CNTNAP2: variants seen among roughly 807,000 people sequenced by gnomAD.
CNTNAP2 encodes the protein contactin-associated protein-like 2.
CNTNAP2 carries 98 observed loss-of-function variants against 155.2 expected under a neutral mutation model. The observed-to-expected ratio is 0.63, with a 90% confidence interval of 0.54 to 0.75. CNTNAP2 has a LOEUF of 0.75. Ranked by LOEUF, CNTNAP2 falls within the 30% of genes least tolerant of loss-of-function variation. CNTNAP2 has a pLI of 0.00. For missense variants in CNTNAP2, 1,727 were observed against 1,688.1 expected (o/e 1.02, Z -0.40); for synonymous variants, 651 against 631.2 (o/e 1.03, Z -0.47).
At chr7:147,982,305 T>TC (rs1801545026) in intron 15 of CNTNAP2, among the ~76,000 whole-genome samples, 3 of 13,488 alleles carry the variant, frequency 2.2e-4, no homozygotes, top group Middle Eastern at 0.077. Flanking sequence ...TAGGAAAGGT[T>TC]TAAAAAAAAA....
chr7:147,008,544 AAAAC>A (rs1798565403), intron 3 of CNTNAP2, among the ~76,000 whole-genome samples: 1 of 152,028 alleles, frequency 6.6e-6, no homozygotes, highest in African/African-American at 2.4e-5. Context: ...TTAACAAAAG[AAAAC>A]AAACAAAATA....
intron 1 of CNTNAP2, among the ~76,000 whole-genome samples, chr7:146,671,728 A>G (rs972054491): frequency 2.6e-5 from 4 of 152,172 alleles, no homozygotes; most frequent in African/African-American, 9.7e-5. Context: ...ATTTAGCCTT[A>G]TATTTCTCCT....
chr7:147,737,130 T>A lies in CNTNAP2; in HGVS notation c.2098+97824T>A, dbSNP rs564058268. Reference sequence around the variant, plus strand: ...CATAGAATTTTCAGTTTTTCTGCTCTGTTTTTTCCCCATCTTTGTGGTTTT... The same window carrying A: ...CATAGAATTTTCAGTTTTTCTGCTCAGTTTTTTCCCCATCTTTGTGGTTTT... On this transcript the variant is annotated intron_variant, in intron 13 of 23. Coordinates refer to ENST00000361727, the MANE Select transcript of CNTNAP2 (RefSeq NM_014141.6). 6.6e-5 allele frequency among the ~76,000 whole-genome samples: 10 copies of A among 152,350 alleles called. No individual in the cohort carries two copies. In the South Asian group the frequency reaches 2.1e-3, roughly 32 times the overall value.
intron 15 of CNTNAP2, among the ~76,000 whole-genome samples, chr7:148,104,848 G>C (rs1435298056): frequency 6.6e-6 from 1 of 152,114 alleles, no homozygotes; most frequent in African/African-American, 2.4e-5. Flanking sequence ...ACCTAGAAAA[G>C]CTTCTGTCCA....
chr7:147,885,115 G>C (rs1476351972), intron 13 of CNTNAP2, among the ~76,000 whole-genome samples: 1 of 152,194 alleles, frequency 6.6e-6, no homozygotes, highest in Non-Finnish European at 1.5e-5. Context: ...GGTAAAAACC[G>C]CAGTTACTTT....
intron 18 of CNTNAP2, among the ~76,000 whole-genome samples, chr7:148,194,450 C>G (rs1252161643): frequency 2.0e-5 from 3 of 152,094 alleles, no homozygotes; most frequent in Non-Finnish European, 4.4e-5. Context: ...GGTCCTTAAG[C>G]TCAGAAGCGA....
At chr7:148,364,877 C>T (rs546801614) in intron 21 of CNTNAP2, among the ~76,000 whole-genome samples, 11 of 152,320 alleles carry the variant, frequency 7.2e-5, no homozygotes, top group South Asian at 4.1e-4. Context: ...TGCTACTGCT[C>T]GCCCTTTGGG....
intron 8 of CNTNAP2, among the ~76,000 whole-genome samples, chr7:147,199,613 A>G (rs1802881093): frequency 6.6e-6 from 1 of 150,726 alleles, no homozygotes; most frequent in Non-Finnish European, 1.5e-5. Flanking sequence ...TTTTTTCAAG[A>G]TCAAGTCTTT....
At chr7:147,264,930 T>C (rs931352382) in intron 8 of CNTNAP2, among the ~76,000 whole-genome samples, 2 of 152,086 alleles carry the variant, frequency 1.3e-5, no homozygotes, top group Admixed American at 6.5e-5. Flanking sequence ...TTTCAAATCC[T>C]ACATGAGGAG....
At chr7:146,971,532 A>G (rs991245382) in intron 3 of CNTNAP2, among the ~76,000 whole-genome samples, 18 of 152,222 alleles carry the variant, frequency 1.2e-4, no homozygotes, top group African/African-American at 3.6e-4. Flanking sequence ...AACAATAACA[A>G]AAATGAATGT....
At chr7:147,222,822 T>G (rs927271108) in intron 8 of CNTNAP2, among the ~76,000 whole-genome samples, 2 of 149,738 alleles carry the variant, frequency 1.3e-5, no homozygotes, top group South Asian at 2.1e-4. Context: ...TTTTTTTTTT[T>G]TTTTTTTTTT....
In CNTNAP2 at chr7:146,185,377, A is replaced by G. The variant is rs146974307; in HGVS notation, c.97+68404A>G. On this transcript the variant is annotated intron_variant, in intron 1 of 23. Coordinates refer to ENST00000361727, the MANE Select transcript of CNTNAP2 (RefSeq NM_014141.6). ...TTTTCCATGGCTCTTTCATCCTACCATGGCAAAGTTGAGTAACTTCGATAG... is the reference window on the plus strand; with the variant it reads ...TTTTCCATGGCTCTTTCATCCTACCGTGGCAAAGTTGAGTAACTTCGATAG... Among the ~76,000 whole-genome samples the G allele has an allele frequency of 4.0e-3, 608 of 152,306 alleles. 5 individuals carry two copies. The highest frequency in any genetic ancestry group is 6.3e-3 in the Non-Finnish European group (426 of 68,022).
intron 14 of CNTNAP2, among the ~76,000 whole-genome samples, chr7:147,971,104 C>T (rs1388483987): frequency 1.3e-5 from 2 of 152,118 alleles, no homozygotes; most frequent in Non-Finnish European, 2.9e-5. Context: ...AAAACAGAGT[C>T]AGTAAAGATT....
intron 9 of CNTNAP2, among the ~76,000 whole-genome samples, chr7:147,342,940 G>T (rs1795789224): frequency 6.6e-6 from 1 of 152,008 alleles, no homozygotes; most frequent in African/African-American, 2.4e-5. Flanking sequence ...TAAAAGTGAT[G>T]TATATATCAC....
intron 1 of CNTNAP2, among the ~76,000 whole-genome samples, chr7:146,675,224 T>A (rs1800378329): frequency 6.6e-6 from 1 of 152,184 alleles, no homozygotes; most frequent in African/African-American, 2.4e-5. Context: ...AGGAGATTAT[T>A]TTCATTCCAA....
At chr7:147,857,278 C>T (rs1171043170) in intron 13 of CNTNAP2, among the ~76,000 whole-genome samples, 1 of 152,128 alleles carries the variant, frequency 6.6e-6, no homozygotes, top group East Asian at 1.9e-4. Flanking sequence ...ACATTTGTCT[C>T]CGTGCAAGAT....
intron 9 of CNTNAP2, among the ~76,000 whole-genome samples, chr7:147,381,042 G>T (rs1043753483): frequency 2.0e-5 from 3 of 151,806 alleles, no homozygotes; most frequent in Non-Finnish European, 4.4e-5. Flanking sequence ...ATTTTTAAAC[G>T]TGAGAAACTT....
In CNTNAP2 at chr7:147,960,579, A is replaced by G. The variant is rs184903979; in HGVS notation, c.2256-17283A>G. 1.7e-3 allele frequency among the ~76,000 whole-genome samples: 254 copies of G among 152,338 alleles called. 4 individuals are homozygous for G. Among genetic ancestry groups the G allele is most frequent in the Admixed American group, 0.014 (207 of 15,300 alleles). ...GATACTAATAGGCAGTGTCCTGTAC[A>G]TTGTAATTGTACAATAGTGACAGTA... On this transcript the variant is annotated intron_variant, in intron 14 of 23. Transcript: ENST00000361727.
intron 8 of CNTNAP2, among the ~76,000 whole-genome samples, chr7:147,227,759 A>G (rs1313503574): frequency 6.6e-6 from 1 of 152,192 alleles, no homozygotes; most frequent in African/African-American, 2.4e-5. Context: ...TCTACTCATG[A>G]TTCCAGGGAA....
Sources: gnomAD v4.1 joint callset for allele counts (sites outside exome capture counted in the v4.1 genomes callset) on GRCh38, gnomAD v4.1.1 for gene constraint, MANE v1.5 for transcripts, NCBI Gene and HGNC (gene_info 2026-07-23, HGNC 2026-07-21) for gene names.